MIA3: variants seen among roughly 807,000 people sequenced by gnomAD.
MIA3 encodes the protein transport and Golgi organization protein 1 homolog.
In MIA3, 90 loss-of-function variants were observed where a neutral mutation model predicts 192.4. The observed-to-expected ratio is 0.47, with a 90% CI of 0.39 to 0.56. MIA3 has a LOEUF of 0.56. Ranked by LOEUF, MIA3 falls within the 20% of genes least tolerant of loss-of-function variation. The pLI is 0.00. For missense variants in MIA3, 2,123 were observed against 2,269.4 expected, an observed-to-expected ratio of 0.94 and a Z score of 1.31; for synonymous variants, 740 against 792.8, an observed-to-expected ratio of 0.93 and a Z score of 1.12.
At chr1:222,644,517 C>T (rs2124885932) in intron 6 of MIA3, 2 of 1,550,638 alleles carry the variant, frequency 1.3e-6, no homozygotes, top group Admixed American at 2.0e-5. Context: ...TCGCCGCTAC[C>T]CCGGGGGACC....
At chr1:222,632,431 G>A (rs146042105) in intron 5 of MIA3, 105 bp downstream of exon 5, 27 of 1,010,218 alleles carry the variant, frequency 2.7e-5, no homozygotes, top group African/African-American at 2.3e-4. Context: ...AAATTCAAAG[G>A]AAAAAAGGAT....
intron 1 of MIA3, among the ~76,000 whole-genome samples, chr1:222,619,588 C>G (rs1188809199): frequency 6.6e-6 from 1 of 152,180 alleles, no homozygotes; most frequent in Non-Finnish European, 1.5e-5. Context: ...TTTCTTGGGT[C>G]AAAGCCACGC....
At chr1:222,657,508 C>A (rs940234017) in intron 18 of MIA3, among the ~76,000 whole-genome samples, 3 of 152,192 alleles carry the variant, frequency 2.0e-5, no homozygotes, top group African/African-American at 7.2e-5. Flanking sequence ...TCTTCACTGC[C>A]TTATTAGCTT....
chr1:222,651,268 G>T (rs1663418617), intron 11 of MIA3, among the ~76,000 whole-genome samples: 1 of 148,968 alleles, frequency 6.7e-6, no homozygotes, highest in Non-Finnish European at 1.5e-5. Context: ...GTTTTAGAAT[G>T]ACCTAAAAGT....
intron 5 of MIA3, 94 bp downstream of exon 5, chr1:222,632,420 T>A: frequency 8.8e-7 from 1 of 1,139,842 alleles, no homozygotes; most frequent in Non-Finnish European, 1.2e-6. Flanking sequence ...AGAGACTTGT[T>A]AAATTCAAAG....
intron 26 of MIA3, among the ~76,000 whole-genome samples, 180 bp from the exon 27 acceptor site, chr1:222,663,818 T>A (rs916635615): frequency 1.8e-4 from 28 of 152,208 alleles, no homozygotes; most frequent in African/African-American, 6.8e-4. Flanking sequence ...TGTGGCATAC[T>A]TTTAACCTTT....
chr1:222,652,291 G>C lies in MIA3; in HGVS notation c.4045G>C (p.Val1349Leu), dbSNP rs768738866. 9 of 1,613,846 alleles carry C rather than the reference G, an allele frequency of 5.6e-6. No homozygotes were observed. Among genetic ancestry groups the C allele is most frequent in the Non-Finnish European group, 7.6e-6 (9 of 1,179,820 alleles). ...EEKVKSECHRVQEENARLKKK... is the reference protein window; with the variant it reads ...EEKVKSECHRLQEENARLKKK... The stretch of plus-strand genomic sequence containing the variant: ...GAAGGTGAAGTCTGAATGCCATCGG[G>C]TTCAAGAAGAAAATGCTAGGCTTAA... The change falls in exon 13 of 28, where the codon GTT (valine) becomes CTT (leucine). Residue 1349 changes from valine to leucine, a missense_variant. Transcript: ENST00000344922.
At chr1:222,623,914 A>G (rs1440015027) in intron 2 of MIA3, among the ~76,000 whole-genome samples, 5 of 152,218 alleles carry the variant, frequency 3.3e-5, no homozygotes, top group African/African-American at 1.2e-4. Context: ...TGTGTATTAC[A>G]CTGTAATTTT....
intron 6 of MIA3, 33 bp downstream of exon 6, chr1:222,633,282 TG>T (rs766538476): frequency 1.6e-5 from 25 of 1,528,948 alleles, no homozygotes; most frequent in Non-Finnish European, 2.1e-5. Context: ...TTAACTAAAA[TG>T]TTGATTATTA....
At chr1:222,642,279 T>A (rs374144884) in intron 6 of MIA3, among the ~76,000 whole-genome samples, 1 of 152,268 alleles carries the variant, frequency 6.6e-6, no homozygotes, top group South Asian at 2.1e-4. Context: ...AATGTCATAT[T>A]TCCCTCAAAG....
Position 222,650,642 on chromosome 1 carries a change from A to C in MIA3, c.3729A>C (p.Glu1243Asp). 6.3e-7 allele frequency: 1 copy of C among 1,581,138 alleles called. No individual in the cohort carries two copies. Among genetic ancestry groups the C allele is most frequent in the South Asian group, 1.1e-5 (1 of 87,722 alleles). ...KLSNYEQKIK[E>D]SKKHVQETRK... ...TGCTTTATTTTATATAGATCAAGGA[A>C]TCAAAGAAACATGTTCAGGAAACCA... Residue 1243 changes from glutamate (E) to aspartate (D), a missense_variant, in exon 10 of 28, where the codon GAA (glutamate) becomes GAC (aspartate). Physicochemically the swap from Glu to Asp is conservative, Grantham distance 45. Transcript: ENST00000344922.
chr1:222,633,574 C>T (rs548499821), intron 6 of MIA3, among the ~76,000 whole-genome samples: 2 of 152,186 alleles, frequency 1.3e-5, no homozygotes, highest in African/African-American at 4.8e-5. Flanking sequence ...GAAGTATTTA[C>T]CTGATGGTAG....
intron 26 of MIA3, among the ~76,000 whole-genome samples, chr1:222,663,226 A>G (rs1664113610): frequency 6.6e-6 from 1 of 152,200 alleles, no homozygotes; most frequent in African/African-American, 2.4e-5. Context: ...TTCTCTTGGA[A>G]AATACTTCCA....
chr1:222,646,602 C>T (rs550844136), intron 7 of MIA3, among the ~76,000 whole-genome samples: 5 of 151,462 alleles, frequency 3.3e-5, no homozygotes, highest in African/African-American at 1.2e-4. Context: ...AAATACAAAA[C>T]TTAGCCGGGG....
Position 222,650,774 on chromosome 1 carries a change from C to T in MIA3, c.3799-19C>T, listed in dbSNP as rs1312067166. 4 of 1,577,602 alleles carry T rather than the reference C, an allele frequency of 2.5e-6. No homozygotes were observed. Among genetic ancestry groups the T allele is most frequent in the African/African-American group, 1.4e-5 (1 of 73,408 alleles). On this transcript the variant is annotated intron_variant, in intron 10 of 27. Coordinates refer to ENST00000344922, the MANE Select transcript of MIA3 (RefSeq NM_198551.4). ...AGTAAAAGTAATGAGTATAACTAAC[C>T]TTAATATCTTTTTTGTAGGATAAAA...
intron 24 of MIA3, chr1:222,661,063 A>G (rs1663986017): frequency 6.6e-6 from 1 of 152,296 alleles, no homozygotes; most frequent in Admixed American, 6.5e-5. Context: ...ACACCGTGTG[A>G]TGTTAATCTG....
intron 1 of MIA3, among the ~76,000 whole-genome samples, chr1:222,618,596 C>G (rs548876199): frequency 5.3e-5 from 8 of 152,196 alleles, no homozygotes; most frequent in Admixed American, 3.9e-4. Flanking sequence ...TTCCCACCCC[C>G]CCAATCCGCC....
chr1:222,638,401 A>T (rs528844057), intron 6 of MIA3, among the ~76,000 whole-genome samples: 2 of 152,298 alleles, frequency 1.3e-5, no homozygotes, highest in Non-Finnish European at 1.5e-5. Context: ...GTATTTTGAG[A>T]TGAATGAAAA....
intron 6 of MIA3, chr1:222,641,663 AACTCGTC>A: frequency 1.9e-6 from 1 of 540,078 alleles, no homozygotes; most frequent in Non-Finnish European, 3.7e-6. Flanking sequence ...ACATATATTA[AACTCGTC>A]AGTGGGAGGA....
Sources: gnomAD v4.1 joint callset for allele counts (sites outside exome capture counted in the v4.1 genomes callset) on GRCh38, gnomAD v4.1.1 for gene constraint, MANE v1.5 for transcripts, NCBI Gene and HGNC (gene_info 2026-07-23, HGNC 2026-07-21) for gene names.